The following PHKB variants were observed in gnomAD, a reference collection of about 807,000 sequenced individuals.
PHKB encodes phosphorylase kinase regulatory subunit beta.
Under a neutral mutation model 152.1 loss-of-function variants are expected in PHKB, and 122 were observed. That is an observed-to-expected ratio of 0.80 (90% CI 0.69 to 0.93). The LOEUF is 0.93. Among genes scored for constraint, PHKB ranks in the 40% least tolerant of loss-of-function variants. The pLI is 0.00. For synonymous variants in PHKB, 436 were observed against 464.9 expected, an observed-to-expected ratio of 0.94 and a Z score of 0.80; for missense variants, 1,304 against 1,328.4, an observed-to-expected ratio of 0.98 and a Z score of 0.29.
chr16:47,515,850 C>A (rs1356264107), intron 6 of PHKB, among the ~76,000 whole-genome samples: 1 of 151,796 alleles, frequency 6.6e-6, no homozygotes, highest in Non-Finnish European at 1.5e-5. Context: ...TTCAGGTGAT[C>A]TAAAATAAAA....
chr16:47,505,628 TC>T (rs1970402885), intron 4 of PHKB: 1 of 152,228 alleles, frequency 6.6e-6, no homozygotes, highest in South Asian at 2.1e-4. Flanking sequence ...CAGATGCGTT[TC>T]CAACTTCTGT....
intron 29 of PHKB, among the ~76,000 whole-genome samples, chr16:47,697,850 T>G (rs891002618): frequency 6.6e-6 from 1 of 152,246 alleles, no homozygotes; most frequent in African/African-American, 2.4e-5. Flanking sequence ...GGGTGATTCA[T>G]TAAACTAAGA....
Position 47,701,383 on chromosome 16 carries a change from A to G in PHKB, c.*2017A>G, listed in dbSNP as rs1007003745. The G allele has an allele frequency of 6.6e-6, 1 of 152,192 alleles. No homozygotes were observed. The highest frequency in any genetic ancestry group is 2.4e-5 in the African/African-American group (1 of 41,460). The allele number at this position is 152,192 out of a possible 1,614,324, so 9.4% of individuals were successfully genotyped here. On this transcript the variant is annotated 3_prime_UTR_variant, in exon 31 of 31. Coordinates refer to ENST00000323584, the MANE Select transcript of PHKB (RefSeq NM_000293.3). The stretch of plus-strand genomic sequence containing the variant: ...TTAGCTTCCTGCTTAAATGTTACAT[A>G]TGCAAAATTCTGAAGTTTTCCTGTG...
intron 4 of PHKB, among the ~76,000 whole-genome samples, chr16:47,504,347 A>G (rs1035968736): frequency 1.3e-5 from 2 of 152,220 alleles, no homozygotes; most frequent in African/African-American, 2.4e-5. Context: ...TCATGTGGGT[A>G]TCCTCTGTCT....
At chr16:47,654,547 C>T (rs914938222) in intron 20 of PHKB, among the ~76,000 whole-genome samples, 3 of 151,976 alleles carry the variant, frequency 2.0e-5, no homozygotes, top group African/African-American at 7.3e-5. Flanking sequence ...GACTTGGAAC[C>T]AACCCAAATG....
At chr16:47,485,313 A>C (rs1970030945) in intron 1 of PHKB, among the ~76,000 whole-genome samples, 1 of 152,234 alleles carries the variant, frequency 6.6e-6, no homozygotes, top group African/African-American at 2.4e-5. Flanking sequence ...AAGAGATATC[A>C]GTCATCTTGA....
intron 6 of PHKB, among the ~76,000 whole-genome samples, chr16:47,544,739 C>T (rs1187308412): frequency 6.6e-6 from 1 of 152,118 alleles, no homozygotes; most frequent in Non-Finnish European, 1.5e-5. Flanking sequence ...CTTTGTAAGT[C>T]TCTAAGGACT....
At chr16:47,585,091 C>CT (rs1971913384) in intron 8 of PHKB, among the ~76,000 whole-genome samples, 3 of 152,106 alleles carry the variant, frequency 2.0e-5, no homozygotes, top group African/African-American at 7.2e-5. Flanking sequence ...TCTTCCAGTC[C>CT]CAGTGCATTT....
At chr16:47,543,372 GC>G (rs1192027454) in intron 6 of PHKB, among the ~76,000 whole-genome samples, 1 of 152,156 alleles carries the variant, frequency 6.6e-6, no homozygotes. Flanking sequence ...TGTTGGATAA[GC>G]TTTTTGATGT....
chr16:47,673,247 A>T (rs1973667725), intron 26 of PHKB, among the ~76,000 whole-genome samples: 1 of 152,072 alleles, frequency 6.6e-6, no homozygotes, highest in African/African-American at 2.4e-5. Flanking sequence ...AGAGATACTC[A>T]ATAAATATTG....
At chr16:47,614,754 A>G (rs1972486691) in intron 14 of PHKB, among the ~76,000 whole-genome samples, 1 of 152,302 alleles carries the variant, frequency 6.6e-6, no homozygotes, top group Non-Finnish European at 1.5e-5. Flanking sequence ...CTTCAACCAT[A>G]AACTTTGATT....
At position 47,461,346 on chromosome 16, in the gene PHKB, G is replaced by T. The variant is rs1266044380; in HGVS notation, c.-5G>T. On this transcript the variant is annotated 5_prime_UTR_variant, in exon 1 of 31. Coordinates refer to ENST00000323584, the MANE Select transcript of PHKB (RefSeq NM_000293.3). ...GGCGGTGGCCAAGGCGGCGACCGGA[G>T]CGCGATGGCGGGGGCGGCGGGACTC... The T allele has an allele frequency of 1.2e-6, 2 of 1,607,982 alleles. No individual in the cohort carries two copies. Among genetic ancestry groups the T allele is most frequent in the East Asian group, 4.5e-5 (2 of 44,718 alleles).
intron 16 of PHKB, among the ~76,000 whole-genome samples, chr16:47,646,572 T>TAAAAAAAAAAAAAAAAAAA (rs35849346): frequency 9.3e-6 from 1 of 107,736 alleles, no homozygotes; most frequent in African/African-American, 3.3e-5. Flanking sequence ...AAAAAAATAA[T>TAAAAAAAAAAAAAAAAAAA]AAAAAAAAAA....
At position 47,664,911 on chromosome 16, in the gene PHKB, T is replaced by C; in HGVS notation, c.2363T>C (p.Phe788Ser). The C allele has an allele frequency of 6.2e-7, 1 of 1,613,900 alleles. No individual in the cohort carries two copies. ...LWLAVRYGAA[F>S]TQKFSSSIAP... ...TTGGCGGTGCGCTACGGGGCTGCAT[T>C]TACCCAGAAATTTTCTTCCTCTATA... The change falls in exon 25 of 31, where the codon TTT becomes TCT. Residue 788 changes from phenylalanine to serine, a missense_variant. Phe to Ser is a radical substitution (Grantham distance 155). Coordinates refer to ENST00000323584, the MANE Select transcript of PHKB (RefSeq NM_000293.3).
At chr16:47,507,992 G>T (rs891053024) in intron 4 of PHKB, among the ~76,000 whole-genome samples, 1 of 152,156 alleles carries the variant, frequency 6.6e-6, no homozygotes, top group Non-Finnish European at 1.5e-5. Context: ...CACATTAGTA[G>T]TGTTCATTCA....
chr16:47,500,192 C>T (rs941256151), intron 3 of PHKB, among the ~76,000 whole-genome samples: 1 of 152,074 alleles, frequency 6.6e-6, no homozygotes, highest in Non-Finnish European at 1.5e-5. Context: ...CATGCACTAC[C>T]ACGCCTGGCT....
chr16:47,659,646 C>T (rs59507615), intron 20 of PHKB, among the ~76,000 whole-genome samples: 7 of 152,124 alleles, frequency 4.6e-5, no homozygotes, highest in Admixed American at 3.3e-4. Context: ...AATAAAATGG[C>T]CAAATATGGG....
At chr16:47,541,842 GGTT>G (rs1971065429) in intron 6 of PHKB, among the ~76,000 whole-genome samples, 1 of 151,974 alleles carries the variant, frequency 6.6e-6, no homozygotes, top group Non-Finnish European at 1.5e-5. Flanking sequence ...TTTTTGATGG[GGTT>G]GTTTAATTTT....
chr16:47,553,454 G>A (rs1567303753), intron 7 of PHKB, among the ~76,000 whole-genome samples: 1 of 152,028 alleles, frequency 6.6e-6, no homozygotes, highest in Non-Finnish European at 1.5e-5. Flanking sequence ...TTTCAAAGTT[G>A]TTAGCTTCCT....
Sources: gnomAD v4.1 joint callset for allele counts (sites outside exome capture counted in the v4.1 genomes callset) on GRCh38, gnomAD v4.1.1 for gene constraint, MANE v1.5 for transcripts, NCBI Gene and HGNC (gene_info 2026-07-23, HGNC 2026-07-21) for gene names.